Variants in IL1RAPL1 observed in about 807,000 individuals in gnomAD.
IL1RAPL1 encodes interleukin-1 receptor accessory protein-like 1.
Under a neutral mutation model 48.4 loss-of-function variants are expected in IL1RAPL1, and 3 were observed. That is an observed-to-expected ratio of 0.06 (90% CI 0.03 to 0.16). The LOEUF (loss-of-function observed/expected upper bound fraction) is 0.16, where lower values mean the gene tolerates loss of function less well. Ranked by LOEUF, IL1RAPL1 falls within the 10% of genes least tolerant of loss-of-function variation. The pLI, the probability that IL1RAPL1 is intolerant of heterozygous loss-of-function variation, is 1.00. For synonymous variants in IL1RAPL1, 185 were observed against 187.7 expected, an observed-to-expected ratio of 0.99 and a Z score of 0.12; for missense variants, 349 against 530.6, an observed-to-expected ratio of 0.66 and a Z score of 3.36.
intron 6 of IL1RAPL1, among the ~76,000 whole-genome samples, chrX:29,755,935 A>G (rs1928601810): frequency 8.9e-6 from 1 of 112,211 alleles, no homozygotes; most frequent in Non-Finnish European, 1.9e-5. Flanking sequence ...GCATCAGTCA[A>G]TGGGATCAAA....
chrX:29,916,784 CACCACTAAA>C (rs1932802984), intron 6 of IL1RAPL1, among the ~76,000 whole-genome samples: 1 of 111,855 alleles, frequency 8.9e-6, no homozygotes, highest in Non-Finnish European at 1.9e-5. Context: ...AATCTGTATT[CACCACTAAA>C]ACATTCTAAG....
intron 2 of IL1RAPL1, among the ~76,000 whole-genome samples, chrX:29,232,176 C>G (rs1382156556): frequency 9.0e-6 from 1 of 110,834 alleles, no homozygotes; most frequent in African/African-American, 3.3e-5. Context: ...TGTTTTTGTT[C>G]TTTTTGTTTT....
At chrX:29,745,447 T>G (rs1722420105) in intron 6 of IL1RAPL1, among the ~76,000 whole-genome samples, 2 of 84,308 alleles carry the variant, frequency 2.4e-5, no homozygotes, top group African/African-American at 8.9e-5. Context: ...TTTTTTTTTT[T>G]TTTTTTTTTT....
chrX:29,811,187 G>T, intron 6 of IL1RAPL1, among the ~76,000 whole-genome samples: 1 of 110,979 alleles, frequency 9.0e-6, no homozygotes, highest in Non-Finnish European at 1.9e-5. Context: ...GGAACAGAGA[G>T]AAGTAGAAAG....
chrX:28,937,129 A>G (rs1924036763), intron 2 of IL1RAPL1, among the ~76,000 whole-genome samples: 1 of 111,320 alleles, frequency 9.0e-6, no homozygotes, highest in African/African-American at 3.3e-5. Flanking sequence ...CACTTGAAAG[A>G]TATTAACGTT....
intron 3 of IL1RAPL1, among the ~76,000 whole-genome samples, chrX:29,319,160 G>GTCTGCCTGTCTGTCTGTCTA (rs370282992): frequency 6.8e-4 from 58 of 84,984 alleles, no homozygotes; most frequent in African/African-American, 2.3e-3. Context: ...CTATCTGTCT[G>GTCTGCCTGTCTGTCTGTCTA]TCTATCTATC....
chrX:28,695,072 A>G (rs749815826), intron 1 of IL1RAPL1, among the ~76,000 whole-genome samples: 1 of 111,671 alleles, frequency 9.0e-6, no homozygotes, highest in Admixed American at 9.6e-5. Flanking sequence ...TGGGAGATGT[A>G]TGGAATAACT....
At chrX:28,851,593 A>G (rs910424109) in intron 2 of IL1RAPL1, among the ~76,000 whole-genome samples, 1 of 111,940 alleles carries the variant, frequency 8.9e-6, no homozygotes, top group African/African-American at 3.2e-5. Flanking sequence ...ATCTCTGAGC[A>G]TGAAATGGTA....
chrX:29,685,741 C>G (rs1039135824), intron 6 of IL1RAPL1, among the ~76,000 whole-genome samples: 1 of 110,606 alleles, frequency 9.0e-6, no homozygotes, highest in Non-Finnish European at 1.9e-5. Context: ...AATCCCAGCA[C>G]TTTGGGAGGC....
chrX:28,798,434 C>G (rs768302441), intron 2 of IL1RAPL1, among the ~76,000 whole-genome samples: 5 of 111,669 alleles, frequency 4.5e-5, no homozygotes, highest in Non-Finnish European at 9.4e-5. Context: ...TGACTCTGAC[C>G]CTTCTACCTC....
chrX:29,480,291 C>CATATATATATATAT (rs61703733), intron 5 of IL1RAPL1, among the ~76,000 whole-genome samples: 801 of 76,508 alleles, frequency 0.01, 24 homozygotes, highest in African/African-American at 0.036. Context: ...CACACATATA[C>CATATATATATATAT]ATATATATAT....
chrX:29,073,438 C>G (rs892137533), intron 2 of IL1RAPL1, among the ~76,000 whole-genome samples: 16 of 111,499 alleles, frequency 1.4e-4, no homozygotes, highest in African/African-American at 5.2e-4. Flanking sequence ...TTGATTACAC[C>G]GTTTTTCATT....
At chrX:28,677,260 A>T (rs1334785734) in intron 1 of IL1RAPL1, among the ~76,000 whole-genome samples, 1 of 111,367 alleles carries the variant, frequency 9.0e-6, no homozygotes, top group Non-Finnish European at 1.9e-5. Flanking sequence ...TTTTGTGTGC[A>T]TATTATAGTT....
chrX:28,818,692 A>G (rs1936896869), intron 2 of IL1RAPL1, among the ~76,000 whole-genome samples: 1 of 110,571 alleles, frequency 9.0e-6, no homozygotes, highest in Admixed American at 9.7e-5. Flanking sequence ...TAAATTCTGT[A>G]TGTAAAATAG....
intron 5 of IL1RAPL1, among the ~76,000 whole-genome samples, chrX:29,415,205 A>C (rs1033985012): frequency 2.8e-4 from 31 of 111,521 alleles, no homozygotes; most frequent in African/African-American, 1.0e-3. Flanking sequence ...AAATATGAAG[A>C]CTAAACTTAG....
intron 2 of IL1RAPL1, among the ~76,000 whole-genome samples, chrX:29,136,150 A>G (rs1225009109): frequency 1.1e-5 from 1 of 93,516 alleles, no homozygotes; most frequent in African/African-American, 4.0e-5. Context: ...TTTTTGAGAC[A>G]GAGTTTTGCT....
At chrX:29,166,065 T>C (rs1929781215) in intron 2 of IL1RAPL1, among the ~76,000 whole-genome samples, 1 of 112,680 alleles carries the variant, frequency 8.9e-6, no homozygotes, top group Non-Finnish European at 1.9e-5. Context: ...TGCATATGCA[T>C]ATAGATTTTC....
intron 5 of IL1RAPL1, among the ~76,000 whole-genome samples, chrX:29,562,822 A>G (rs1417735052): frequency 1.8e-5 from 2 of 111,978 alleles, no homozygotes; most frequent in Non-Finnish European, 3.8e-5. Flanking sequence ...TGGCAATCAT[A>G]AAAACAGATA....
At chrX:29,527,128 C>T (rs1935560907) in intron 5 of IL1RAPL1, among the ~76,000 whole-genome samples, 1 of 109,981 alleles carries the variant, frequency 9.1e-6, no homozygotes, top group Non-Finnish European at 1.9e-5. Context: ...ATAGAGGTGA[C>T]ATCTCAAATA....
Sources: allele counts gnomAD v4.1 joint callset (sites outside exome capture counted in the v4.1 genomes callset), GRCh38; gene constraint gnomAD v4.1.1; transcripts MANE v1.5; gene names NCBI Gene and HGNC (gene_info 2026-07-23, HGNC 2026-07-21).